Variants in MTUS2 observed in about 807,000 individuals in gnomAD.
MTUS2 encodes microtubule associated scaffold protein 2, also known as microtubule-associated tumor suppressor candidate 2.
A neutral mutation model predicts 114.1 loss-of-function variants in MTUS2; 40 were observed. That is an observed-to-expected ratio of 0.35 (90% CI 0.27 to 0.46). The LOEUF (loss-of-function observed/expected upper bound fraction) is 0.46. Among genes scored for constraint, MTUS2 ranks in the 20% least tolerant of loss-of-function variants. The pLI is 1.00. For synonymous variants in MTUS2, 688 were observed against 672.0 expected, an observed-to-expected ratio of 1.02 and a Z score of -0.37; for missense variants, 1,679 against 1,705.4, an observed-to-expected ratio of 0.98 and a Z score of 0.27.
At chr13:29,197,065 A>G (rs1593588580) in intron 5 of MTUS2, among the ~76,000 whole-genome samples, 1 of 152,040 alleles carries the variant, frequency 6.6e-6, no homozygotes, top group East Asian at 1.9e-4. Flanking sequence ...AATTTTTTTT[A>G]TTATACTTTA....
intron 10 of MTUS2, chr13:29,487,618 A>C: frequency 4.5e-6 from 2 of 443,298 alleles, no homozygotes; most frequent in Non-Finnish European, 8.3e-6. Context: ...AGCAGTGGGA[A>C]GGGGATGGTC....
At chr13:28,989,518 GA>G (rs1266847357) in intron 2 of MTUS2, among the ~76,000 whole-genome samples, 1 of 152,222 alleles carries the variant, frequency 6.6e-6, no homozygotes, top group Non-Finnish European at 1.5e-5. Flanking sequence ...TCGCAGGTTT[GA>G]AGAGGCTTAG....
chr13:29,087,762 G>T (rs541823952), intron 4 of MTUS2, among the ~76,000 whole-genome samples: 3 of 152,264 alleles, frequency 2.0e-5, no homozygotes, highest in African/African-American at 4.8e-5. Flanking sequence ...TAGGTGGTTA[G>T]TTTAAGCATT....
Position 29,143,074 on chromosome 13 carries a change from G to A in MTUS2, c.2644+42104G>A, listed in dbSNP as rs145346780. ...AGCCAACATGTTTGTATATTGAACA[G>A]TGGGCGCCAGGAATTCACTGTAGGA... On this transcript the variant is annotated intron_variant, in intron 5 of 15. Coordinates refer to ENST00000612955, the MANE Select transcript of MTUS2 (RefSeq NM_001033602.4). Among the ~76,000 whole-genome samples, 419 of 152,314 alleles carry A rather than the reference G, an allele frequency of 2.8e-3. 2 individuals carry two copies. Among genetic ancestry groups the A allele is most frequent in the African/African-American group, 9.6e-3 (399 of 41,562 alleles).
At chr13:29,410,041 A>G (rs975437892) in intron 8 of MTUS2, among the ~76,000 whole-genome samples, 1 of 152,200 alleles carries the variant, frequency 6.6e-6, no homozygotes, top group African/African-American at 2.4e-5. Context: ...TTCGCCTACA[A>G]AAAATTGGAT....
At chr13:29,358,536 C>A (rs1286770842) in intron 7 of MTUS2, among the ~76,000 whole-genome samples, 1 of 152,220 alleles carries the variant, frequency 6.6e-6, no homozygotes, top group Non-Finnish European at 1.5e-5. Context: ...GGGGTTCACA[C>A]AAGTGATGAC....
chr13:29,253,906 C>A (rs754721517), intron 5 of MTUS2, among the ~76,000 whole-genome samples: 2 of 152,098 alleles, frequency 1.3e-5, no homozygotes, highest in Non-Finnish European at 2.9e-5. Context: ...TTCACTATCA[C>A]GAGAACAGCA....
intron 2 of MTUS2, among the ~76,000 whole-genome samples, chr13:28,960,699 G>A (rs1440522140): frequency 6.6e-6 from 1 of 152,174 alleles, no homozygotes; most frequent in Non-Finnish European, 1.5e-5. Flanking sequence ...AGGGACTGGG[G>A]AGAAAGGGAG....
chr13:28,906,019 T>C lies in MTUS2; in HGVS notation c.-243+66169T>C, dbSNP rs183936543. Among the ~76,000 whole-genome samples, 3 of 151,844 alleles carry C rather than the reference T, an allele frequency of 2.0e-5. 1 individual carries two copies. Among genetic ancestry groups the C allele is most frequent in the African/African-American group, 7.3e-5 (3 of 41,248 alleles). On this transcript the variant is annotated intron_variant, in intron 2 of 15. Transcript: ENST00000612955. The stretch of plus-strand genomic sequence containing the variant: ...TGTCGAGGAATTTATCCATTTCTTT[T>C]AGTTTTTCTAGTTTATTTGCGTAGA...
chr13:28,891,851 T>A (rs118106123), intron 2 of MTUS2, among the ~76,000 whole-genome samples: 1,586 of 119,726 alleles, frequency 0.013, 27 homozygotes, highest in Middle Eastern at 0.046. Flanking sequence ...GCACAGAGAC[T>A]CTGTCTCAAA....
chr13:29,242,949 G>A (rs1463610401), intron 5 of MTUS2, among the ~76,000 whole-genome samples: 1 of 152,204 alleles, frequency 6.6e-6, no homozygotes, highest in Admixed American at 6.5e-5. Context: ...AGGAGACTGG[G>A]TGTATGGTCG....
chr13:29,235,661 G>A (rs1307658554), intron 5 of MTUS2, among the ~76,000 whole-genome samples: 1 of 151,782 alleles, frequency 6.6e-6, no homozygotes, highest in Non-Finnish European at 1.5e-5. Flanking sequence ...AATAAATGTT[G>A]AATTTTTTCA....
At chr13:29,088,905 C>T (rs951372882) in intron 4 of MTUS2, among the ~76,000 whole-genome samples, 1 of 152,168 alleles carries the variant, frequency 6.6e-6, no homozygotes, top group Admixed American at 6.5e-5. Flanking sequence ...TCTTGCTTAT[C>T]TATCCAATTT....
intron 6 of MTUS2, among the ~76,000 whole-genome samples, chr13:29,305,463 C>T (rs968578300): frequency 3.4e-5 from 5 of 146,744 alleles, no homozygotes; most frequent in Non-Finnish European, 3.0e-5. Flanking sequence ...AATATTACCA[C>T]TGACCCTACA....
chr13:29,034,180 T>C (rs948761173), intron 4 of MTUS2, 55 bp downstream of exon 4: 1 of 1,603,844 alleles, frequency 6.2e-7, no homozygotes, highest in African/African-American at 1.3e-5. Flanking sequence ...ATAGTCATCA[T>C]GTAAGATGGT....
chr13:28,895,538 G>GT (rs1879214791), intron 2 of MTUS2, among the ~76,000 whole-genome samples: 1 of 152,150 alleles, frequency 6.6e-6, no homozygotes, highest in Admixed American at 6.5e-5. Flanking sequence ...TAGATAGTGT[G>GT]TATCTACCAG....
At chr13:29,424,248 T>G (rs1876340694) in intron 8 of MTUS2, among the ~76,000 whole-genome samples, 1 of 152,226 alleles carries the variant, frequency 6.6e-6, no homozygotes. Context: ...GATAAATGTT[T>G]GCAGTGATAG....
In MTUS2 at chr13:28,906,909, A is replaced by T. The variant is rs1408518834; in HGVS notation, c.-243+67059A>T. Among the ~76,000 whole-genome samples, 3 of 151,602 alleles carry T rather than the reference A, an allele frequency of 2.0e-5. No individual in the cohort carries two copies. In the East Asian group the frequency reaches 5.8e-4, roughly 29 times the overall value. The stretch of plus-strand genomic sequence containing the variant: ...TTCAGGAAATACAGAGAACGCCACA[A>T]AGATACTCCTCGAGAAGAGCAACTC... On this transcript the variant is annotated intron_variant, in intron 2 of 15. Transcript: ENST00000612955.
intron 7 of MTUS2, among the ~76,000 whole-genome samples, chr13:29,354,636 C>A (rs1869588762): frequency 6.6e-6 from 1 of 152,160 alleles, no homozygotes; most frequent in Non-Finnish European, 1.5e-5. Flanking sequence ...ACAGGGCATA[C>A]TTATGGGATG....
Sources: allele counts gnomAD v4.1 joint callset (sites outside exome capture counted in the v4.1 genomes callset), GRCh38; gene constraint gnomAD v4.1.1; transcripts MANE v1.5; gene names NCBI Gene and HGNC (gene_info 2026-07-23, HGNC 2026-07-21).